Variants in CDYL observed in about 807,000 individuals in gnomAD.
CDYL encodes the protein chromodomain Y like, also known as chromodomain Y-like protein.
In CDYL, 8 loss-of-function variants were observed where a neutral mutation model predicts 47.3. The ratio of observed to expected loss-of-function variants is 0.17; its 90% CI spans 0.10 to 0.31. The LOEUF is 0.31. CDYL is among the 10% of genes least tolerant of loss of function. The pLI, the probability that CDYL is intolerant of heterozygous loss-of-function variation, is 1.00. For synonymous variants in CDYL, 266 were observed against 265.0 expected, an observed-to-expected ratio of 1.00 and a Z score of -0.04; for missense variants, 471 against 701.4, an observed-to-expected ratio of 0.67 and a Z score of 3.71.
chr6:4,898,848 T>G (rs1449539017), intron 2 of CDYL, among the ~76,000 whole-genome samples: 1 of 152,232 alleles, frequency 6.6e-6, no homozygotes, highest in Non-Finnish European at 1.5e-5. Flanking sequence ...TTCCAATGAT[T>G]GATGTCGAAC....
intron 1 of CDYL, among the ~76,000 whole-genome samples, chr6:4,875,344 T>A (rs950887821): frequency 3.3e-5 from 5 of 152,198 alleles, no homozygotes; most frequent in African/African-American, 1.2e-4. Context: ...TTTGTCAGTT[T>A]CCATGAAAAA....
chr6:4,914,509 C>T (rs935873339), intron 2 of CDYL, among the ~76,000 whole-genome samples: 2 of 152,210 alleles, frequency 1.3e-5, no homozygotes, highest in African/African-American at 2.4e-5. Context: ...AGACAGTCCA[C>T]ATGGCCCCAG....
At chr6:4,763,283 C>T (rs1561840477) in intron 3 of CDYL, among the ~76,000 whole-genome samples, 1 of 151,886 alleles carries the variant, frequency 6.6e-6, no homozygotes, top group Non-Finnish European at 1.5e-5. Context: ...CTTGGAGATA[C>T]AGTAAAAACA....
intron 3 of CDYL, among the ~76,000 whole-genome samples, chr6:4,736,924 A>G (rs1757713805): frequency 6.6e-6 from 1 of 152,192 alleles, no homozygotes; most frequent in African/African-American, 2.4e-5. Flanking sequence ...TGATGGGACA[A>G]GCAACTCTGA....
At chr6:4,856,779 G>T (rs1761021499) in intron 1 of CDYL, among the ~76,000 whole-genome samples, 1 of 152,180 alleles carries the variant, frequency 6.6e-6, no homozygotes. Context: ...CTTGGGGCAG[G>T]TAGAACTTTG....
chr6:4,736,053 G>C (rs4960039), intron 3 of CDYL, among the ~76,000 whole-genome samples: 109,468 of 151,964 alleles, frequency 0.72, 39,513 homozygotes, highest in South Asian at 0.84. Context: ...CTTTGACCAA[G>C]CCCTCCTGTT....
At position 4,892,345 on chromosome 6, in the gene CDYL, A is replaced by C. The variant is rs1475693666; in HGVS notation, c.657A>C (p.Ala219=). Reference sequence around the variant, plus strand: ...CTCAGGTGCCCGGCCCTGTGACTGCAGCCATGGCCACAGGCTTAGCTGTTA... The same window carrying C: ...CTCAGGTGCCCGGCCCTGTGACTGCCGCCATGGCCACAGGCTTAGCTGTTA... ...LVPQVPGPVT[A]AMATGLAVNG... The change falls in exon 2 of 7, where the codon GCA becomes GCC. Residue 219 remains alanine (A), a synonymous_variant. Transcript: ENST00000397588. The C allele has an allele frequency of 1.2e-6, 2 of 1,613,448 alleles. No individual in the cohort carries two copies. The highest frequency in any genetic ancestry group is 2.2e-5 in the South Asian group (2 of 90,998).
At chr6:4,860,437 G>A (rs951477926) in intron 1 of CDYL, among the ~76,000 whole-genome samples, 1 of 151,036 alleles carries the variant, frequency 6.6e-6, no homozygotes, top group Non-Finnish European at 1.5e-5. Flanking sequence ...TGAGTCTCCA[G>A]TTGGGGAGCT....
rs140452678 is a variant in CDYL at position 4,814,643 on chromosome 6, A to G, written c.24+37836A>G. On this transcript the variant is annotated intron_variant, in intron 1 of 6. Coordinates refer to ENST00000397588, the MANE Select transcript of CDYL (RefSeq NM_004824.4). Reference sequence around the variant, plus strand: ...AAGGTTCAAGCAATTCTCGTGCCCCAGCCTCCCTGGTAGCTAGGATTACAG... The same window carrying G: ...AAGGTTCAAGCAATTCTCGTGCCCCGGCCTCCCTGGTAGCTAGGATTACAG... Among the ~76,000 whole-genome samples, 881 of 152,224 alleles carry G rather than the reference A, an allele frequency of 5.8e-3. 8 individuals are homozygous for G. Among genetic ancestry groups the G allele is most frequent in the African/African-American group, 0.02 (846 of 41,516 alleles).
intron 1 of CDYL, among the ~76,000 whole-genome samples, chr6:4,871,276 A>G (rs1400953353): frequency 2.0e-5 from 3 of 152,178 alleles, no homozygotes; most frequent in Non-Finnish European, 4.4e-5. Flanking sequence ...GGGATTGTGG[A>G]CAAACATCTT....
chr6:4,844,685 T>C (rs1760601984), intron 1 of CDYL, among the ~76,000 whole-genome samples: 1 of 152,238 alleles, frequency 6.6e-6, no homozygotes, highest in African/African-American at 2.4e-5. Flanking sequence ...ACATTTGAGA[T>C]TGTTGACATT....
rs186180830 is a variant in CDYL, at chr6:4,713,315, A to C, written c.-38-2426A>C. Among the ~76,000 whole-genome samples the C allele has an allele frequency of 2.4e-3, 363 of 152,098 alleles. 2 individuals carry two copies. Among genetic ancestry groups the C allele is most frequent in the Admixed American group, 5.8e-3 (89 of 15,240 alleles). The stretch of plus-strand genomic sequence containing the variant: ...GATTCCCAGTCATGCTGTCAATAGG[A>C]GTGGCGGGAGGAGGATCCTGGAGCC... On this transcript the variant is annotated intron_variant, in intron 1 of 8. Coordinates refer to the CDYL transcript ENST00000328908.
intron 2 of CDYL, among the ~76,000 whole-genome samples, chr6:4,919,044 A>G (rs1052076786): frequency 1.3e-5 from 2 of 152,186 alleles, no homozygotes; most frequent in African/African-American, 4.8e-5. Flanking sequence ...AACCTGCGCT[A>G]ACTGTATAGT....
chr6:4,875,133 G>A (rs1474082620), intron 1 of CDYL, among the ~76,000 whole-genome samples: 1 of 152,280 alleles, frequency 6.6e-6, no homozygotes, highest in African/African-American at 2.4e-5. Flanking sequence ...TGCCACTCTT[G>A]ACTCTGACAG....
intron 3 of CDYL, among the ~76,000 whole-genome samples, chr6:4,751,070 T>C (rs1193661531): frequency 6.6e-6 from 1 of 151,984 alleles, no homozygotes; most frequent in Non-Finnish European, 1.5e-5. Flanking sequence ...TTAGCCAGGA[T>C]GGTCTCGATC....
chr6:4,783,105 C>A lies in CDYL; in HGVS notation c.24+6298C>A, dbSNP rs533315120. 2.0e-5 allele frequency among the ~76,000 whole-genome samples: 3 copies of A among 152,220 alleles called. No homozygotes were observed. The East Asian group carries it at 5.8e-4, about 29-fold the overall frequency. On this transcript the variant is annotated intron_variant, in intron 1 of 6. Transcript: ENST00000397588. The stretch of plus-strand genomic sequence containing the variant: ...AACATTATTATTTTATACAACCTTT[C>A]TTTAGATTCACCTCTGACTTCATAG...
intron 1 of CDYL, among the ~76,000 whole-genome samples, chr6:4,877,209 C>T (rs1761643939): frequency 6.6e-6 from 1 of 152,238 alleles, no homozygotes; most frequent in Non-Finnish European, 1.5e-5. Context: ...GTGGGTGTTT[C>T]ATAGATATTA....
intron 1 of CDYL, among the ~76,000 whole-genome samples, chr6:4,882,583 G>A (rs1419513671): frequency 3.9e-5 from 6 of 152,184 alleles, no homozygotes; most frequent in Non-Finnish European, 5.9e-5. Flanking sequence ...GTTCTTTTGG[G>A]AGAAGAAGGG....
At chr6:4,722,936 T>C (rs560524115) in intron 2 of CDYL, among the ~76,000 whole-genome samples, 40 of 152,226 alleles carry the variant, frequency 2.6e-4, no homozygotes, top group African/African-American at 9.4e-4. Context: ...CTGAGGCAAC[T>C]GATTACCCTA....
Sources: gnomAD v4.1 joint callset for allele counts (sites outside exome capture counted in the v4.1 genomes callset) on GRCh38, gnomAD v4.1.1 for gene constraint, MANE v1.5 for transcripts, NCBI Gene and HGNC (gene_info 2026-07-23, HGNC 2026-07-21) for gene names.